The following MAML3 variants were observed in gnomAD, a reference collection of about 807,000 sequenced individuals.
MAML3 encodes mastermind-like protein 3.
Under a neutral mutation model 101.9 loss-of-function variants are expected in MAML3, and 27 were observed. The observed-to-expected ratio is 0.27, with a 90% CI of 0.20 to 0.37. MAML3 has a LOEUF of 0.37. MAML3 is among the 10% of genes least tolerant of loss of function. The pLI, the probability that MAML3 is intolerant of heterozygous loss-of-function variation, is 1.00. For missense variants in MAML3, 1,316 were observed against 1,444.9 expected (o/e 0.91, Z 1.45); for synonymous variants, 501 against 555.9 (o/e 0.90, Z 1.39).
intron 1 of MAML3, among the ~76,000 whole-genome samples, chr4:140,063,878 C>T (rs1411432148): frequency 6.6e-6 from 1 of 151,986 alleles, no homozygotes; most frequent in African/African-American, 2.4e-5. Context: ...CACTATGATA[C>T]GTTGTGTGGT....
At chr4:140,025,892 C>G (rs961796001) in intron 1 of MAML3, among the ~76,000 whole-genome samples, 1 of 152,160 alleles carries the variant, frequency 6.6e-6, no homozygotes, top group African/African-American at 2.4e-5. Flanking sequence ...CTTAGGGGTA[C>G]GTGGTTTCAT....
At chr4:140,139,685 T>C (rs1414835593) in intron 1 of MAML3, among the ~76,000 whole-genome samples, 1 of 152,252 alleles carries the variant, frequency 6.6e-6, no homozygotes, top group Non-Finnish European at 1.5e-5. Context: ...TCGATAGTCT[T>C]TGGAAAATAG....
At chr4:140,093,441 G>T (rs1192383431) in intron 1 of MAML3, among the ~76,000 whole-genome samples, 11 of 133,734 alleles carry the variant, frequency 8.2e-5, no homozygotes, top group Admixed American at 4.1e-4. Flanking sequence ...TTTTGAGACA[G>T]AGTCTCGCTC....
At chr4:139,974,798 A>T (rs1040102586) in intron 1 of MAML3, among the ~76,000 whole-genome samples, 24 of 152,164 alleles carry the variant, frequency 1.6e-4, no homozygotes, top group Non-Finnish European at 3.2e-4. Flanking sequence ...GAGAAGAGAG[A>T]GATCAATTTT....
At chr4:140,132,389 A>G (rs1728810133) in intron 1 of MAML3, among the ~76,000 whole-genome samples, 1 of 152,250 alleles carries the variant, frequency 6.6e-6, no homozygotes, top group Non-Finnish European at 1.5e-5. Context: ...GAAAGGAAAA[A>G]CAAAGATGAC....
chr4:139,980,844 G>A (rs1227361609), intron 1 of MAML3, among the ~76,000 whole-genome samples: 1 of 152,156 alleles, frequency 6.6e-6, no homozygotes, highest in East Asian at 1.9e-4. Context: ...ACCATTGGTG[G>A]TCAGCCTCAC....
intron 2 of MAML3, among the ~76,000 whole-genome samples, chr4:139,766,452 G>A (rs1054704875): frequency 3.9e-5 from 6 of 152,186 alleles, no homozygotes; most frequent in Non-Finnish European, 7.3e-5. Flanking sequence ...GATTACAGAC[G>A]TGAGCCACCG....
At chr4:139,772,148 G>A (rs1730004666) in intron 2 of MAML3, among the ~76,000 whole-genome samples, 1 of 140,684 alleles carries the variant, frequency 7.1e-6, no homozygotes. Flanking sequence ...GCTGAGGCAG[G>A]AGAATGGCGT....
chr4:139,777,408 A>G (rs1730113299), intron 2 of MAML3, among the ~76,000 whole-genome samples: 1 of 152,208 alleles, frequency 6.6e-6, no homozygotes, highest in Non-Finnish European at 1.5e-5. Context: ...GAATTTGATC[A>G]GTCTTCAGTC....
At chr4:139,891,382 G>C (rs148889448) in intron 1 of MAML3, among the ~76,000 whole-genome samples, 7 of 152,142 alleles carry the variant, frequency 4.6e-5, no homozygotes, top group Non-Finnish European at 7.4e-5. Context: ...AGGTTCAAGC[G>C]ATTCTGCTGC....
At chr4:139,992,811 C>G (rs1196864618) in intron 1 of MAML3, among the ~76,000 whole-genome samples, 1 of 152,156 alleles carries the variant, frequency 6.6e-6, no homozygotes, top group Non-Finnish European at 1.5e-5. Context: ...CCCACCTCGG[C>G]CTCCCAACCT....
intron 2 of MAML3, among the ~76,000 whole-genome samples, chr4:139,761,779 A>C (rs1729764773): frequency 6.6e-6 from 1 of 152,174 alleles, no homozygotes; most frequent in South Asian, 2.1e-4. Flanking sequence ...GGACTCTGGA[A>C]TCACAAAAGA....
intron 2 of MAML3, among the ~76,000 whole-genome samples, chr4:139,747,855 A>C (rs1729376687): frequency 6.6e-6 from 1 of 152,002 alleles, no homozygotes. Flanking sequence ...GGAGTTCGAC[A>C]CAAGCCTGAT....
intron 1 of MAML3, among the ~76,000 whole-genome samples, chr4:140,088,989 C>A (rs772214169): frequency 1.3e-5 from 2 of 152,042 alleles, no homozygotes; most frequent in East Asian, 3.9e-4. Flanking sequence ...CTAGAATAAG[C>A]CACCTAGAAA....
chr4:139,931,152 C>T (rs1733385884), intron 1 of MAML3, among the ~76,000 whole-genome samples: 1 of 152,006 alleles, frequency 6.6e-6, no homozygotes. Context: ...AATGCAGGGC[C>T]CCTTGATCAA....
At chr4:139,956,858 A>C (rs867190265) in intron 1 of MAML3, among the ~76,000 whole-genome samples, 48 of 152,178 alleles carry the variant, frequency 3.2e-4, no homozygotes, top group African/African-American at 1.1e-3. Flanking sequence ...TCTGCTTCGA[A>C]CCCAGGAGAA....
intron 3 of MAML3, among the ~76,000 whole-genome samples, chr4:139,726,079 G>A (rs1294223995): frequency 1.3e-5 from 2 of 152,140 alleles, no homozygotes; most frequent in African/African-American, 2.4e-5. Context: ...GGAGCCCCTC[G>A]TGCCCCTTCC....
At chr4:139,962,126 T>G (rs763341838) in intron 1 of MAML3, among the ~76,000 whole-genome samples, 19 of 149,426 alleles carry the variant, frequency 1.3e-4, no homozygotes, top group Non-Finnish European at 2.7e-4. Flanking sequence ...CTGTTTTTGT[T>G]TTTTTTTTTT....
At chr4:139,961,430 T>C (rs1734012440) in intron 1 of MAML3, among the ~76,000 whole-genome samples, 3 of 152,174 alleles carry the variant, frequency 2.0e-5, no homozygotes, top group Non-Finnish European at 4.4e-5. Context: ...ATACGTTCCA[T>C]TAGATTATCC....
Sources: gnomAD v4.1 joint callset for allele counts (sites outside exome capture counted in the v4.1 genomes callset) on GRCh38, gnomAD v4.1.1 for gene constraint, MANE v1.5 for transcripts, NCBI Gene and HGNC (gene_info 2026-07-23, HGNC 2026-07-21) for gene names.